Variants in MAGI1 observed in about 807,000 individuals in gnomAD.
MAGI1 encodes the protein membrane associated guanylate kinase, WW and PDZ domain containing 1, also known as membrane-associated guanylate kinase, WW and PDZ domain-containing protein 1.
In MAGI1, 58 loss-of-function variants were observed where a neutral mutation model predicts 139.9. The ratio of observed to expected loss-of-function variants is 0.41; its 90% CI spans 0.34 to 0.52. MAGI1 has a LOEUF of 0.52. Among genes scored for constraint, MAGI1 ranks in the 20% least tolerant of loss-of-function variants. The probability of loss-of-function intolerance (pLI) is 0.12; values close to 1 mark genes in which losing one functional copy is unlikely to be tolerated. For missense variants in MAGI1, 1,874 were observed against 1,901.6 expected (o/e 0.99, Z 0.27); for synonymous variants, 812 against 737.9 (o/e 1.10, Z -1.63).
chr3:65,568,907 C>T (rs904399694), intron 2 of MAGI1, among the ~76,000 whole-genome samples: 5 of 152,156 alleles, frequency 3.3e-5, no homozygotes, highest in Admixed American at 1.3e-4. Flanking sequence ...ATAATATCCA[C>T]GTATAATTTT....
At chr3:65,874,009 G>C (rs868349929) in intron 1 of MAGI1, 2 of 152,216 alleles carry the variant, frequency 1.3e-5, no homozygotes, top group African/African-American at 2.4e-5. Context: ...ATGCAGGCTA[G>C]GTGTAGCAGC....
chr3:65,359,942 C>T (rs753581610), intron 22 of MAGI1: 106 of 985,260 alleles, frequency 1.1e-4, no homozygotes, highest in East Asian at 2.3e-4. Flanking sequence ...GGTATCAATA[C>T]ACCTAATGGT....
At chr3:65,734,588 GGAGA>G (rs942894623) in intron 1 of MAGI1, among the ~76,000 whole-genome samples, 6 of 121,990 alleles carry the variant, frequency 4.9e-5, no homozygotes, top group African/African-American at 1.0e-4. Context: ...AGAGAGAGAG[GGAGA>G]GAGAGAAACT....
intron 2 of MAGI1, among the ~76,000 whole-genome samples, chr3:65,562,855 AAC>A (rs1232164935): frequency 6.6e-6 from 1 of 152,240 alleles, no homozygotes; most frequent in Non-Finnish European, 1.5e-5. Context: ...ATTTTATTTT[AAC>A]ACACACAGTG....
chr3:65,964,531 G>T (rs983907415), intron 1 of MAGI1, among the ~76,000 whole-genome samples: 1 of 151,990 alleles, frequency 6.6e-6, no homozygotes, highest in Non-Finnish European at 1.5e-5. Context: ...GGTAGTGCGG[G>T]GGCGGGGGGA....
At chr3:65,701,496 G>C (rs61139906) in intron 1 of MAGI1, among the ~76,000 whole-genome samples, 15,708 of 152,062 alleles carry the variant, frequency 0.1, 924 homozygotes, top group East Asian at 0.22. Flanking sequence ...CAAGTGATCC[G>C]CCTGCCTCGA....
At chr3:65,624,767 C>T (rs200234393) in intron 1 of MAGI1, among the ~76,000 whole-genome samples, 12 of 152,226 alleles carry the variant, frequency 7.9e-5, no homozygotes, top group Admixed American at 4.6e-4. Context: ...ATTCTATACA[C>T]GGGGCCTCTA....
chr3:65,963,236 C>T (rs920090552), intron 1 of MAGI1, among the ~76,000 whole-genome samples: 42 of 146,008 alleles, frequency 2.9e-4, no homozygotes, highest in Non-Finnish European at 2.5e-4. Flanking sequence ...TGCTTGAACC[C>T]GGGAGGTGGA....
At chr3:65,549,384 C>T in intron 2 of MAGI1, 1 of 983,992 alleles carries the variant, frequency 1.0e-6, no homozygotes, top group Non-Finnish European at 1.2e-6. Context: ...CTGTCACTTC[C>T]AAACCCAAGG....
At chr3:65,693,895 G>GT (rs58576172) in intron 1 of MAGI1, among the ~76,000 whole-genome samples, 43,356 of 151,480 alleles carry the variant, frequency 0.29, 6,277 homozygotes, top group East Asian at 0.43. Flanking sequence ...GCTAATTTTT[G>GT]ATTTTAGTAG....
At chr3:65,508,083 T>C (rs757119985) in intron 2 of MAGI1, among the ~76,000 whole-genome samples, 2 of 152,172 alleles carry the variant, frequency 1.3e-5, no homozygotes, top group African/African-American at 4.8e-5. Context: ...TCAACGGTAT[T>C]ATCAGAAAAG....
rs146231000 is a variant in MAGI1, at chr3:65,731,593, T to C, written c.314-109505A>G. ...TCACTTGAGCCTGGGAAGTCGAGGC[T>C]GCAGTGAGCTGTGATTGTACCACTG... On this transcript the variant is annotated intron_variant, in intron 1 of 22. Coordinates refer to ENST00000402939, the MANE Select transcript of MAGI1 (RefSeq NM_001033057.2). Among the ~76,000 whole-genome samples, 881 of 150,408 alleles carry C rather than the reference T, an allele frequency of 5.9e-3. 56 individuals are homozygous for C. The East Asian group carries it at 0.14, about 24-fold the overall frequency.
At chr3:65,371,111 A>G (rs561643428) in intron 18 of MAGI1, among the ~76,000 whole-genome samples, 25 of 152,324 alleles carry the variant, frequency 1.6e-4, no homozygotes, top group Non-Finnish European at 2.9e-4. Flanking sequence ...CATTCCCACA[A>G]TAAGATTGAC....
At chr3:65,557,896 A>G (rs2080161722) in intron 2 of MAGI1, among the ~76,000 whole-genome samples, 1 of 152,228 alleles carries the variant, frequency 6.6e-6, no homozygotes, top group African/African-American at 2.4e-5. Context: ...AGTAATTAAT[A>G]GAAGATAACC....
At chr3:65,688,027 C>T in intron 1 of MAGI1, 2 of 840,406 alleles carry the variant, frequency 2.4e-6, no homozygotes, top group East Asian at 6.1e-5. Flanking sequence ...GCCCCTCACA[C>T]CCTGGATCCT....
intron 2 of MAGI1, among the ~76,000 whole-genome samples, chr3:65,541,619 C>T (rs994034142): frequency 2.6e-5 from 4 of 152,118 alleles, no homozygotes; most frequent in Admixed American, 1.3e-4. Context: ...GTTCAACGTA[C>T]GCAAATCAAT....
chr3:65,765,435 G>A (rs777876258), intron 1 of MAGI1, among the ~76,000 whole-genome samples: 3 of 152,126 alleles, frequency 2.0e-5, no homozygotes, highest in Non-Finnish European at 4.4e-5. Flanking sequence ...TCTCATTAAT[G>A]CCCTTTACAA....
chr3:65,937,260 T>A (rs981537906), intron 1 of MAGI1, among the ~76,000 whole-genome samples: 1 of 146,966 alleles, frequency 6.8e-6, no homozygotes, highest in Non-Finnish European at 1.5e-5. Flanking sequence ...TTGAAAACTC[T>A]TGCAGCCTAT....
chr3:65,387,100 A>T, intron 14 of MAGI1: 1 of 1,533,638 alleles, frequency 6.5e-7, no homozygotes, highest in Non-Finnish European at 9.0e-7. Flanking sequence ...ATCAAACAAG[A>T]TGAATGAAAA....
Sources: allele counts gnomAD v4.1 joint callset (sites outside exome capture counted in the v4.1 genomes callset), GRCh38; gene constraint gnomAD v4.1.1; transcripts MANE v1.5; gene names NCBI Gene and HGNC (gene_info 2026-07-23, HGNC 2026-07-21).